CA12: variants seen among roughly 807,000 people sequenced by gnomAD.
CA12 encodes carbonic anhydrase 12.
In CA12, 36 loss-of-function variants were observed where a neutral mutation model predicts 46.8. The observed-to-expected ratio is 0.77, with a 90% CI of 0.59 to 1.02. The LOEUF (loss-of-function observed/expected upper bound fraction) is 1.02, where lower values mean the gene tolerates loss of function less well. Among genes scored for constraint, CA12 ranks in the 50% least tolerant of loss-of-function variants. CA12 has a pLI of 0.00. For missense variants in CA12, 436 were observed against 451.4 expected, an observed-to-expected ratio of 0.97 and a Z score of 0.31; for synonymous variants, 202 against 187.0, an observed-to-expected ratio of 1.08 and a Z score of -0.65.
At position 63,378,225 on chromosome 15, in the gene CA12, T is replaced by C. The variant is rs1419016113; in HGVS notation, c.86-2547A>G. ...CAACATGGTGAAACCCTGTCTCTACTAAAAATACAAAAATTAGGCAGGCGT... is the reference window on the plus strand; with the variant it reads ...CAACATGGTGAAACCCTGTCTCTACCAAAAATACAAAAATTAGGCAGGCGT... On this transcript the variant is annotated intron_variant, in intron 1 of 10. Transcript: ENST00000178638. The surrounding 1 kb of genome is among the most constrained non-coding windows in gnomAD (Gnocchi z 4.8). Among the ~76,000 whole-genome samples, 1 of 152,072 alleles carries C rather than the reference T, an allele frequency of 6.6e-6. No homozygotes were observed. Among genetic ancestry groups the C allele is most frequent in the Non-Finnish European group, 1.5e-5 (1 of 68,014 alleles).
In CA12 at chr15:63,381,038, T is replaced by C. The variant is rs918802874; in HGVS notation, c.85+598A>G. On this transcript the variant is annotated intron_variant, in intron 1 of 10. Coordinates refer to ENST00000178638, the MANE Select transcript of CA12 (RefSeq NM_001218.5). ...GTGTGTGTGTGTGTGTGTGTGTGTG[T>C]GGTTTGTGTGCGTGCGCGCGTGCGT... Among the ~76,000 whole-genome samples, 8 of 142,492 alleles carry C rather than the reference T, an allele frequency of 5.6e-5. No individual in the cohort carries two copies. In the Admixed American group the frequency reaches 5.7e-4, roughly 10 times the overall value. 93.5% of individuals were successfully genotyped at this position (142,492 alleles called of 152,430 possible).
chr15:63,345,059 T>C lies in CA12; in HGVS notation c.429+418A>G, dbSNP rs2039128313. 6.6e-6 allele frequency among the ~76,000 whole-genome samples: 1 copy of C among 152,066 alleles called. No individual in the cohort carries two copies. Among genetic ancestry groups the C allele is most frequent in the Admixed American group, 6.5e-5 (1 of 15,274 alleles). ...CATGCCCAGAGAGGGAAAGATAGCA[T>C]CAAAATGATGCAAACAGCATGACAT... is the stretch of plus-strand genomic sequence containing the variant. On this transcript the variant is annotated intron_variant, in intron 4 of 10. Transcript: ENST00000178638. This position sits in a 1 kb window ranked among gnomAD's most constrained non-coding sequence, Gnocchi z 4.3.
intron 2 of CA12, among the ~76,000 whole-genome samples, chr15:63,350,751 C>G (rs1390233538): frequency 2.0e-5 from 3 of 152,028 alleles, no homozygotes; most frequent in African/African-American, 7.3e-5. Flanking sequence ...AATGTTTTTA[C>G]AGAAAATTTC....
chr15:63,357,046 A>C (rs946182162), intron 2 of CA12, among the ~76,000 whole-genome samples: 2 of 152,222 alleles, frequency 1.3e-5, no homozygotes, highest in Non-Finnish European at 2.9e-5. Flanking sequence ...CTTTTCCAAG[A>C]ATCTAACCCA....
In CA12 at chr15:63,345,759, G is replaced by A. The variant is rs1043057197; in HGVS notation, c.287-140C>T. 2.0e-4 allele frequency: 224 copies of A among 1,131,290 alleles called. No homozygotes were observed. In the African/African-American group the frequency reaches 2.9e-3, roughly 14 times the overall value. 70.1% of individuals were successfully genotyped at this position (1,131,290 alleles called of 1,614,324 possible). ...GAGGCAGGTGGATGGAGTGAGGTGCGGAGCAGAGATGCAGCCTAAAGGTCA... is the reference window on the plus strand; with the variant it reads ...GAGGCAGGTGGATGGAGTGAGGTGCAGAGCAGAGATGCAGCCTAAAGGTCA... On this transcript the variant is annotated intron_variant, in intron 3 of 10. Coordinates refer to ENST00000178638, the MANE Select transcript of CA12 (RefSeq NM_001218.5). This position sits in a 1 kb window ranked among gnomAD's most constrained non-coding sequence, Gnocchi z 4.3.
At chr15:63,363,118 G>A (rs528439380) in intron 2 of CA12, among the ~76,000 whole-genome samples, 1 of 152,214 alleles carries the variant, frequency 6.6e-6, no homozygotes, top group Admixed American at 6.5e-5. Flanking sequence ...AGGCCCTCCT[G>A]AGTTGATTTG....
rs1347965527 is a variant in CA12, at chr15:63,331,972, G to A, written c.875-3842C>T. ...TCTATTTACGATTCTGTTTGACTGT[G>A]GACTATAATCCTTTTCAAGTATTAT... On this transcript the variant is annotated intron_variant, in intron 8 of 10. Coordinates refer to ENST00000178638, the MANE Select transcript of CA12 (RefSeq NM_001218.5). This position sits in a 1 kb window ranked among gnomAD's most constrained non-coding sequence, Gnocchi z 5.3. Among the ~76,000 whole-genome samples the A allele has an allele frequency of 6.6e-6, 1 of 152,102 alleles. No individual in the cohort carries two copies. Among genetic ancestry groups the A allele is most frequent in the Non-Finnish European group, 1.5e-5 (1 of 68,024 alleles).
chr15:63,334,802 C>A (rs926906385), intron 8 of CA12, among the ~76,000 whole-genome samples: 14 of 152,308 alleles, frequency 9.2e-5, no homozygotes, highest in African/African-American at 3.1e-4. Flanking sequence ...CACGCTACGT[C>A]TCTTGGTCTT....
At chr15:63,358,854 C>T (rs1481129941) in intron 2 of CA12, among the ~76,000 whole-genome samples, 1 of 152,204 alleles carries the variant, frequency 6.6e-6, no homozygotes, top group Non-Finnish European at 1.5e-5. Context: ...TCTTCCACGC[C>T]CATGTCCCAC....
chr15:63,344,577 C>T (rs1048105143), intron 4 of CA12, among the ~76,000 whole-genome samples: 1 of 152,210 alleles, frequency 6.6e-6, no homozygotes, highest in African/African-American at 2.4e-5. Context: ...GAACCAGATC[C>T]TATCCCTTCC....
In CA12 at chr15:63,325,597, A is replaced by T. The variant is rs1380410961; in HGVS notation, c.*688T>A. The stretch of plus-strand genomic sequence containing the variant: ...TCCCTCTAGCTCTCTCTCCCTTCTC[A>T]TCCCCACCAAGAAGTGGAACTTGAA... On this transcript the variant is annotated 3_prime_UTR_variant, in exon 11 of 11. Coordinates refer to ENST00000178638, the MANE Select transcript of CA12 (RefSeq NM_001218.5). This position sits in a 1 kb window ranked among gnomAD's most constrained non-coding sequence, Gnocchi z 4.9. 6.5e-6 allele frequency: 1 copy of T among 152,792 alleles called. No individual in the cohort carries two copies. Among genetic ancestry groups the T allele is most frequent in the Non-Finnish European group, 1.5e-5 (1 of 68,582 alleles). The allele number at this position is 152,792 out of a possible 1,614,324, so 9.5% of individuals were successfully genotyped here. A position where few individuals can be genotyped will look rare whatever the true frequency, so the allele number is the denominator to read the frequency against.
chr15:63,363,596 G>T (rs2039395059), intron 2 of CA12, among the ~76,000 whole-genome samples: 1 of 152,164 alleles, frequency 6.6e-6, no homozygotes, highest in African/African-American at 2.4e-5. Flanking sequence ...CATGCAGCAG[G>T]CTCAAGCTCA....
chr15:63,371,915 C>T (rs969913987), intron 2 of CA12, among the ~76,000 whole-genome samples: 2 of 152,040 alleles, frequency 1.3e-5, no homozygotes, highest in African/African-American at 4.8e-5. Flanking sequence ...ACTAAAAAAG[C>T]TATCAGAGTA....
At chr15:63,350,011 C>T (rs2039206768) in intron 2 of CA12, among the ~76,000 whole-genome samples, 1 of 152,176 alleles carries the variant, frequency 6.6e-6, no homozygotes, top group African/African-American at 2.4e-5. Flanking sequence ...TCTAGCTTAC[C>T]TGTGTGCAAA....
chr15:63,363,917 G>A (rs2152623982), intron 2 of CA12, among the ~76,000 whole-genome samples: 1 of 152,276 alleles, frequency 6.6e-6, no homozygotes, highest in Admixed American at 6.5e-5. Context: ...GCCGGATGCG[G>A]TGGCTCACGC....
At position 63,373,162 on chromosome 15, in the gene CA12, C is replaced by T. The variant is rs188566015; in HGVS notation, c.106+2496G>A. 4.6e-5 allele frequency among the ~76,000 whole-genome samples: 7 copies of T among 152,224 alleles called. No individual in the cohort carries two copies. Among genetic ancestry groups the T allele is most frequent in the Non-Finnish European group, 1.0e-4 (7 of 68,008 alleles). On this transcript the variant is annotated intron_variant, in intron 2 of 10. Coordinates refer to ENST00000178638, the MANE Select transcript of CA12 (RefSeq NM_001218.5). This position sits in a 1 kb window ranked among gnomAD's most constrained non-coding sequence, Gnocchi z 4.9. ...GGCAGAACACTTGAGATCAGGAGTT[C>T]GAGACCAGCCTGGCCATCATGGTGA...
intron 2 of CA12, among the ~76,000 whole-genome samples, chr15:63,369,247 A>G (rs773972652): frequency 2.6e-5 from 4 of 152,228 alleles, no homozygotes; most frequent in Non-Finnish European, 5.9e-5. Flanking sequence ...CACAATTCAG[A>G]AAAGTGTGAA....
In CA12 at chr15:63,340,703, A is replaced by G. The variant is rs748070978; in HGVS notation, c.589+17T>C. On this transcript the variant is annotated intron_variant, in intron 6 of 10. Coordinates refer to ENST00000178638, the MANE Select transcript of CA12 (RefSeq NM_001218.5). The surrounding 1 kb of genome is among the most constrained non-coding windows in gnomAD (Gnocchi z 4.4). ...CTTCTCCAGCAGAGAGTGAATATGC[A>G]TGCAAGGACCCCTCACCTTTGTACT... 4 of 1,612,900 alleles carry G rather than the reference A, an allele frequency of 2.5e-6. No homozygotes were observed. Among genetic ancestry groups the G allele is most frequent in the Non-Finnish European group, 3.4e-6 (4 of 1,178,822 alleles).
At chr15:63,381,494 T>C in intron 1 of CA12, 142 bp downstream of exon 1, 1 of 728,900 alleles carries the variant, frequency 1.4e-6, no homozygotes. Context: ...AAACGGAGCA[T>C]CCTTTCTTGA....
Sources: gnomAD v4.1 joint callset for allele counts (sites outside exome capture counted in the v4.1 genomes callset) on GRCh38, gnomAD v4.1.1 for gene constraint, Gnocchi (gnomAD v3.1) non-coding constraint, MANE v1.5 for transcripts, NCBI Gene and HGNC (gene_info 2026-07-23, HGNC 2026-07-21) for gene names.